RARB: variants seen among roughly 807,000 people sequenced by gnomAD.
The protein encoded by RARB is retinoic acid receptor beta, also known as HBV-activated protein.
In RARB, 17 loss-of-function variants were observed where a neutral mutation model predicts 51.9. The observed-to-expected ratio is 0.33, with a 90% CI of 0.22 to 0.49. The LOEUF is 0.49. Among genes scored for constraint, RARB ranks in the 20% least tolerant of loss-of-function variants. The pLI is 0.99. For missense variants in RARB, 369 were observed against 550.8 expected (o/e 0.67, Z 3.30); for synonymous variants, 215 against 195.4 (o/e 1.10, Z -0.84).
intron 5 of RARB, among the ~76,000 whole-genome samples, chr3:25,214,449 G>A (rs1196834981): frequency 1.3e-5 from 2 of 152,180 alleles, no homozygotes; most frequent in South Asian, 2.1e-4. Context: ...GGTGGGTTCA[G>A]TAGCTTTTAA....
At chr3:25,041,010 A>G (rs1351605866) in intron 2 of RARB, among the ~76,000 whole-genome samples, 1 of 152,218 alleles carries the variant, frequency 6.6e-6, no homozygotes, top group East Asian at 1.9e-4. Context: ...AGTCTCTGCC[A>G]TAAAGAAGGT....
intron 2 of RARB, among the ~76,000 whole-genome samples, chr3:24,897,572 T>TC (rs1703504170): frequency 6.6e-6 from 1 of 152,332 alleles, no homozygotes; most frequent in Non-Finnish European, 1.5e-5. Context: ...AACTTGAAGC[T>TC]ATATTTAGTT....
chr3:25,587,282 C>T (rs1179435930), intron 5 of RARB, among the ~76,000 whole-genome samples: 2 of 151,906 alleles, frequency 1.3e-5, no homozygotes, highest in Non-Finnish European at 2.9e-5. Flanking sequence ...TAGGCAATAG[C>T]ACCTGGGGCT....
At chr3:25,393,259 AT>A (rs2125488846) in intron 5 of RARB, among the ~76,000 whole-genome samples, 1 of 151,994 alleles carries the variant, frequency 6.6e-6, no homozygotes, top group African/African-American at 2.4e-5. Context: ...ATTGCGGATT[AT>A]CTTTTGATAG....
chr3:25,066,592 C>T (rs1392423361), intron 3 of RARB, among the ~76,000 whole-genome samples: 1 of 146,192 alleles, frequency 6.8e-6, no homozygotes, highest in Non-Finnish European at 1.5e-5. Context: ...CATATGTGCA[C>T]ACGCACACAT....
At chr3:24,917,673 G>A (rs555899986) in intron 2 of RARB, among the ~76,000 whole-genome samples, 1 of 152,304 alleles carries the variant, frequency 6.6e-6, no homozygotes, top group South Asian at 2.1e-4. Context: ...TGGGACTACA[G>A]GCGTGTGCCA....
chr3:25,277,079 A>T (rs1234215974), intron 5 of RARB, among the ~76,000 whole-genome samples: 1 of 152,214 alleles, frequency 6.6e-6, no homozygotes, highest in Admixed American at 6.5e-5. Context: ...ACAACAGCAA[A>T]GCCTATACCC....
At chr3:24,916,707 T>G (rs901507541) in intron 2 of RARB, among the ~76,000 whole-genome samples, 1 of 132,274 alleles carries the variant, frequency 7.6e-6, no homozygotes, top group South Asian at 2.4e-4. Flanking sequence ...CAGTTTCTTA[T>G]AAAATTAAAT....
intron 2 of RARB, among the ~76,000 whole-genome samples, chr3:25,005,691 C>T (rs1328156197): frequency 6.6e-6 from 1 of 152,116 alleles, no homozygotes; most frequent in Non-Finnish European, 1.5e-5. Context: ...TGGGAGGGGA[C>T]TACACAAGAG....
intron 2 of RARB, among the ~76,000 whole-genome samples, chr3:24,915,854 T>C (rs1275900674): frequency 1.3e-5 from 2 of 151,844 alleles, no homozygotes; most frequent in Non-Finnish European, 2.9e-5. Context: ...CTCACCCCAG[T>C]AGAAGGAATG....
At chr3:25,411,811 G>A (rs983969219) in intron 5 of RARB, among the ~76,000 whole-genome samples, 1 of 152,158 alleles carries the variant, frequency 6.6e-6, no homozygotes, top group East Asian at 1.9e-4. Flanking sequence ...CGTCCAGAGA[G>A]AAAGTCCCAG....
intron 2 of RARB, among the ~76,000 whole-genome samples, chr3:24,868,512 A>G (rs1702891047): frequency 6.6e-6 from 1 of 152,132 alleles, no homozygotes; most frequent in Admixed American, 6.5e-5. Flanking sequence ...AACCATCTGC[A>G]TGGACTCCTC....
chr3:25,133,056 A>G lies in RARB; in HGVS notation c.-280+848A>G, dbSNP rs1035662007. On this transcript the variant is annotated intron_variant, in intron 4 of 11. Transcript: ENST00000383772. The stretch of plus-strand genomic sequence containing the variant: ...CTACTGCTGGTTAAACAATGGCACG[A>G]TGCTTTCTTATTGCTCTGAGTTTTC... 4.6e-5 allele frequency among the ~76,000 whole-genome samples: 7 copies of G among 152,054 alleles called. No individual in the cohort carries two copies. In the East Asian group the frequency reaches 1.2e-3, roughly 25 times the overall value.
chr3:25,141,914 G>C (rs1488362026), intron 4 of RARB, among the ~76,000 whole-genome samples: 2 of 152,200 alleles, frequency 1.3e-5, no homozygotes, highest in African/African-American at 4.8e-5. Flanking sequence ...TCGGTTATAA[G>C]ATTGAGCATT....
At chr3:24,895,818 A>C (rs1703466821) in intron 2 of RARB, among the ~76,000 whole-genome samples, 2 of 152,302 alleles carry the variant, frequency 1.3e-5, no homozygotes, top group South Asian at 4.1e-4. Context: ...GCAGTTCATC[A>C]AAAAATGAAG....
At chr3:25,253,757 A>G (rs1243582418) in intron 5 of RARB, among the ~76,000 whole-genome samples, 3 of 152,202 alleles carry the variant, frequency 2.0e-5, no homozygotes, top group Non-Finnish European at 2.9e-5. Flanking sequence ...TCAGTTGTCA[A>G]TAAGGCTATA....
chr3:25,070,142 C>A (rs1255821921), intron 3 of RARB, among the ~76,000 whole-genome samples: 1 of 152,216 alleles, frequency 6.6e-6, no homozygotes, highest in East Asian at 1.9e-4. Context: ...TTACTCCAAT[C>A]TCTGCCTTCA....
At chr3:25,007,324 G>A (rs1381744137) in intron 2 of RARB, among the ~76,000 whole-genome samples, 1 of 152,040 alleles carries the variant, frequency 6.6e-6, no homozygotes, top group Non-Finnish European at 1.5e-5. Context: ...CTCAATGCTA[G>A]CTACCAAAAC....
intron 3 of RARB, among the ~76,000 whole-genome samples, chr3:25,553,209 A>G (rs1044169027): frequency 4.7e-5 from 7 of 149,048 alleles, no homozygotes; most frequent in African/African-American, 1.7e-4. Flanking sequence ...ATTGATTGCT[A>G]CCTACAGACT....
Sources: gnomAD v4.1 joint callset for allele counts (sites outside exome capture counted in the v4.1 genomes callset) on GRCh38, gnomAD v4.1.1 for gene constraint, MANE v1.5 for transcripts, NCBI Gene and HGNC (gene_info 2026-07-23, HGNC 2026-07-21) for gene names.